Variants in SCAPER observed in about 807,000 individuals in gnomAD.
The protein encoded by SCAPER is S phase cyclin A-associated protein in the endoplasmic reticulum.
SCAPER carries 98 observed loss-of-function variants against 182.2 expected under a neutral mutation model. The ratio of observed to expected loss-of-function variants is 0.54; its 90% CI spans 0.46 to 0.64. The LOEUF (loss-of-function observed/expected upper bound fraction) is 0.64. SCAPER is among the 30% of genes least tolerant of loss of function. The pLI, the probability that SCAPER is intolerant of heterozygous loss-of-function variation, is 0.00. For synonymous variants in SCAPER, 605 were observed against 564.6 expected, an observed-to-expected ratio of 1.07 and a Z score of -1.01; for missense variants, 1,432 against 1,690.0, an observed-to-expected ratio of 0.85 and a Z score of 2.68.
At chr15:76,379,473 T>G (rs1227594255) in intron 28 of SCAPER, among the ~76,000 whole-genome samples, 1 of 152,166 alleles carries the variant, frequency 6.6e-6, no homozygotes, top group African/African-American at 2.4e-5. Context: ...ATTTTGTTAT[T>G]TCATTTCTTT....
rs1567706012 is a variant in SCAPER, at chr15:76,652,276, ATATATATAT to A, written c.2645+13368_2645+13376del. Among the ~76,000 whole-genome samples, 83 of 9,832 alleles carry A rather than the reference ATATATATAT, an allele frequency of 8.4e-3. 11 individuals are homozygous for A. Among genetic ancestry groups the A allele is most frequent in the Admixed American group, 0.028 (17 of 598 alleles). 6.5% of individuals were successfully genotyped at this position (9,832 alleles called of 152,430 possible). On this transcript the variant is annotated intron_variant, in intron 21 of 31. Coordinates refer to ENST00000563290, the MANE Select transcript of SCAPER (RefSeq NM_020843.4). ...TCTGCTAAAAAAAAAAAAAAAAAAT[ATATATATAT>A]ATATATATATATATATATATATATA...
chr15:76,497,229 G>GA (rs1224049118), intron 24 of SCAPER, among the ~76,000 whole-genome samples: 1 of 145,150 alleles, frequency 6.9e-6, no homozygotes, highest in African/African-American at 2.5e-5. Flanking sequence ...AAATACCTAA[G>GA]AAAAAAAATC....
intron 20 of SCAPER, among the ~76,000 whole-genome samples, chr15:76,700,971 G>A (rs1386951512): frequency 6.6e-6 from 1 of 151,960 alleles, no homozygotes; most frequent in Non-Finnish European, 1.5e-5. Flanking sequence ...CATAAGAGGA[G>A]CCCAAAGGGT....
chr15:76,869,978 G>C (rs1599194418), intron 2 of SCAPER, among the ~76,000 whole-genome samples: 3 of 152,238 alleles, frequency 2.0e-5, no homozygotes, highest in Admixed American at 2.0e-4. Context: ...TATGTTAAGT[G>C]AAATAAGCCA....
rs112860967 is a variant in SCAPER, at chr15:76,613,194, G to T, written c.2711+8570C>A. Among the ~76,000 whole-genome samples, 666 of 152,294 alleles carry T rather than the reference G, an allele frequency of 4.4e-3. 7 individuals carry two copies. Among genetic ancestry groups the T allele is most frequent in the African/African-American group, 0.015 (634 of 41,552 alleles). On this transcript the variant is annotated intron_variant, in intron 22 of 31. Transcript: ENST00000563290. ...GAAAAGGATTCCCTATTCAATAAAT[G>T]GTGTGGGGATAACTGGCTAGCCATA...
At chr15:76,845,363 A>G (rs2069960177) in intron 4 of SCAPER, among the ~76,000 whole-genome samples, 1 of 152,162 alleles carries the variant, frequency 6.6e-6, no homozygotes, top group Admixed American at 6.5e-5. Context: ...ACGTACTGGA[A>G]GTCCTACTTA....
intron 29 of SCAPER, among the ~76,000 whole-genome samples, chr15:76,360,777 A>C (rs2041351124): frequency 6.6e-6 from 1 of 152,216 alleles, no homozygotes. Context: ...GTCTCAAATT[A>C]TCAGATGTAA....
At chr15:76,458,457 G>A (rs1322416496) in intron 25 of SCAPER, among the ~76,000 whole-genome samples, 4 of 151,436 alleles carry the variant, frequency 2.6e-5, no homozygotes, top group Non-Finnish European at 5.9e-5. Flanking sequence ...CACCCTTTTA[G>A]CAGTTTGACT....
intron 15 of SCAPER, among the ~76,000 whole-genome samples, chr15:76,746,858 T>C (rs1246538064): frequency 2.0e-5 from 3 of 152,104 alleles, no homozygotes; most frequent in Non-Finnish European, 4.4e-5. Flanking sequence ...CTGAAAGAAA[T>C]TAAAGAAGAC....
Position 76,841,859 on chromosome 15 carries a change from T to C in SCAPER, c.268A>G (p.Thr90Ala). The C allele has an allele frequency of 6.2e-7, 1 of 1,613,922 alleles. No homozygotes were observed. Among genetic ancestry groups the C allele is most frequent in the Non-Finnish European group, 8.5e-7 (1 of 1,179,860 alleles). The part of the protein sequence containing the change: ...DKHFDKSPTK[T>A]RHPRKIDLRA... ...AGATCAATTTTCCGAGGGTGCCTTG[T>C]TTTAGTGGGACTTTTATCAAAGTGT... Residue 90 changes from threonine (T) to alanine (A), a missense_variant, in exon 5 of 32, where the codon ACA becomes GCA. Coordinates refer to ENST00000563290, the MANE Select transcript of SCAPER (RefSeq NM_020843.4).
chr15:76,488,120 A>C (rs1273001304), intron 24 of SCAPER, among the ~76,000 whole-genome samples: 2 of 152,126 alleles, frequency 1.3e-5, no homozygotes, highest in Non-Finnish European at 2.9e-5. Flanking sequence ...TTTCTTTAAT[A>C]TGTTTTATAT....
Position 76,665,695 on chromosome 15 carries a change from T to A in SCAPER, c.2603A>T (p.Asn868Ile). ...TTTTATCTTTTTGGCTTTTTTTTTA[T>A]TTTTTTGCCGCTCTTCTCCATCTTT... Reference protein sequence around the residue: ...ALKDGEERQKNKKKAKKIKAR... With the variant: ...ALKDGEERQKIKKKAKKIKAR... Residue 868 changes from asparagine (N) to isoleucine (I), a missense_variant, in exon 21 of 32, where the codon AAT becomes ATT. This residue lies in a region of SCAPER where 718 missense variants were observed against 799.7 expected (regional missense o/e 0.90). Transcript: ENST00000563290. 6.3e-7 allele frequency: 1 copy of A among 1,582,900 alleles called. No homozygotes were observed. The highest frequency in any genetic ancestry group is 1.2e-5 in the South Asian group (1 of 86,052).
chr15:76,613,952 T>C (rs527977698), intron 22 of SCAPER, among the ~76,000 whole-genome samples: 3 of 152,268 alleles, frequency 2.0e-5, no homozygotes, highest in African/African-American at 4.8e-5. Context: ...CACACATATG[T>C]TCATCACAGC....
At chr15:76,604,676 T>C (rs960954242) in intron 22 of SCAPER, among the ~76,000 whole-genome samples, 1 of 152,108 alleles carries the variant, frequency 6.6e-6, no homozygotes, top group African/African-American at 2.4e-5. Flanking sequence ...TGTTCTTCCA[T>C]TTGTCTGTAT....
At chr15:76,553,289 T>C (rs1284865520) in intron 23 of SCAPER, among the ~76,000 whole-genome samples, 1 of 152,216 alleles carries the variant, frequency 6.6e-6, no homozygotes, top group Non-Finnish European at 1.5e-5. Context: ...ACTCTACCTG[T>C]GCCAACTGAG....
intron 14 of SCAPER, among the ~76,000 whole-genome samples, chr15:76,759,719 A>G (rs1462036333): frequency 6.6e-6 from 1 of 152,158 alleles, no homozygotes; most frequent in African/African-American, 2.4e-5. Flanking sequence ...CTGTTGAAAT[A>G]TTAGTGTGTT....
chr15:76,765,238 A>G (rs972583015), intron 13 of SCAPER, 99 bp downstream of exon 13: 1 of 1,049,704 alleles, frequency 9.5e-7, no homozygotes. Flanking sequence ...GTCCTGAAGT[A>G]ATGTGTCCAA....
intron 20 of SCAPER, among the ~76,000 whole-genome samples, chr15:76,687,231 T>C (rs1189410385): frequency 6.6e-6 from 1 of 152,122 alleles, no homozygotes; most frequent in African/African-American, 2.4e-5. Context: ...AAGTAAGATT[T>C]ACATGATAAT....
At chr15:76,538,394 T>C (rs1490830650) in intron 23 of SCAPER, among the ~76,000 whole-genome samples, 14 of 150,352 alleles carry the variant, frequency 9.3e-5, no homozygotes, top group Admixed American at 9.3e-4. Flanking sequence ...CCATAAAAAA[T>C]GATGAGTTCA....
Sources: allele counts gnomAD v4.1 joint callset (sites outside exome capture counted in the v4.1 genomes callset), GRCh38; gene constraint gnomAD v4.1.1; regional missense constraint gnomAD v4.1.1; transcripts MANE v1.5; gene names NCBI Gene and HGNC (gene_info 2026-07-23, HGNC 2026-07-21).